The following CIITA variants were observed in gnomAD, a reference collection of about 807,000 sequenced individuals.
The protein encoded by CIITA is MHC class II transactivator.
A neutral mutation model predicts 115.1 loss-of-function variants in CIITA; 72 were observed. That is an observed-to-expected ratio of 0.63 (90% CI 0.52 to 0.76). The LOEUF (loss-of-function observed/expected upper bound fraction) is 0.76. CIITA is among the 30% of genes least tolerant of loss of function. The probability of loss-of-function intolerance (pLI) is 0.00; values close to 1 mark genes in which losing one functional copy is unlikely to be tolerated. For synonymous variants in CIITA, 763 were observed against 635.6 expected, an observed-to-expected ratio of 1.20 and a Z score of -3.02; for missense variants, 1,617 against 1,463.8, an observed-to-expected ratio of 1.10 and a Z score of -1.71.
downstream of CIITA, chr16:10,938,305 GCCT>G (rs2041057369): frequency 6.6e-6 from 1 of 151,668 alleles, no homozygotes; most frequent in South Asian, 2.1e-4. The surrounding 1 kb of genome is among the most constrained non-coding windows in gnomAD (Gnocchi z 4.9). Context: ...CCCTAATACT[GCCT>G]CCTCAAGTAG....
In CIITA at chr16:10,931,054, G is replaced by T. The variant is rs1279285596; in HGVS notation, c.*7199G>T. ...GAGAACATGGAATCAGCTGGATAGA[G>T]TGGTTCATGCTTGTAATCCCAGCAC... On this transcript the variant is annotated 3_prime_UTR_variant, in exon 20 of 20. Transcript: ENST00000324288. 1.3e-5 allele frequency: 2 copies of T among 152,636 alleles called. No homozygotes were observed. The highest frequency in any genetic ancestry group is 4.8e-5 in the African/African-American group (2 of 41,470). The allele number at this position is 152,636 out of a possible 1,614,324, so 9.5% of individuals were successfully genotyped here. A position where few individuals can be genotyped will look rare whatever the true frequency, so the allele number is the denominator to read the frequency against.
At chr16:10,921,649 CTGGGA>C (rs1343064462) in intron 16 of CIITA, among the ~76,000 whole-genome samples, 1 of 152,222 alleles carries the variant, frequency 6.6e-6, no homozygotes, top group African/African-American at 2.4e-5. Context: ...AGAGGCATAG[CTGGGA>C]TTTGAACTTG....
rs2040468743 is a variant in CIITA, at chr16:10,924,892, C to T, written c.*1037C>T. On this transcript the variant is annotated 3_prime_UTR_variant, in exon 20 of 20. Coordinates refer to ENST00000324288, the MANE Select transcript of CIITA (RefSeq NM_000246.4). ...CAGGTCCAGGGTTTGAGTTCATACC[C>T]TGTTACCATTTTGGGGTACCCACTG... 6.6e-6 allele frequency: 1 copy of T among 152,246 alleles called. No individual in the cohort carries two copies. Among genetic ancestry groups the T allele is most frequent in the South Asian group, 2.1e-4 (1 of 4,830 alleles). The allele number at this position is 152,246 out of a possible 1,614,324, so 9.4% of individuals were successfully genotyped here. A position where few individuals can be genotyped will look rare whatever the true frequency, so the allele number is the denominator to read the frequency against.
At position 10,895,665 on chromosome 16, in the gene CIITA, C is replaced by A. The variant is rs750105787; in HGVS notation, c.200-4C>A. Reference sequence around the variant, plus strand: ...TTCTTCATCCAAGGGACTTTTCCTCCCAGAACCCGACACAGACACCATCAA... The same window carrying A: ...TTCTTCATCCAAGGGACTTTTCCTCACAGAACCCGACACAGACACCATCAA... On this transcript the variant is annotated splice_polypyrimidine_tract_variant and splice_region_variant and intron_variant, in intron 2 of 19. Coordinates refer to ENST00000324288, the MANE Select transcript of CIITA (RefSeq NM_000246.4). 1 of 1,614,114 alleles carries A rather than the reference C, an allele frequency of 6.2e-7. No homozygotes were observed. Among genetic ancestry groups the A allele is most frequent in the South Asian group, 1.1e-5 (1 of 91,078 alleles).
upstream of CIITA, among the ~76,000 whole-genome samples, chr16:10,873,212 G>A (rs865838716): frequency 5.9e-5 from 9 of 152,124 alleles, no homozygotes; most frequent in East Asian, 1.9e-4. Context: ...GGGCTCAAGC[G>A]ACATACCTGC....
chr16:10,918,342 C>A, intron 15 of CIITA, 98 bp from the exon 16 acceptor site: 1 of 1,067,110 alleles, frequency 9.4e-7, no homozygotes, highest in Non-Finnish European at 1.5e-6. Context: ...AGTCTGTCGA[C>A]AGCGCCATTC....
rs113265172 is a variant in CIITA, at chr16:10,897,163, GA to G, written c.295+1407del. ...TACCTGACACTGAGTAATTTATAAAGAAAAAAAATATTTCTTACAGTTATGG... is the reference window on the plus strand; with the variant it reads ...TACCTGACACTGAGTAATTTATAAAGAAAAAAATATTTCTTACAGTTATGG... On this transcript the variant is annotated intron_variant, in intron 3 of 19. Coordinates refer to ENST00000324288, the MANE Select transcript of CIITA (RefSeq NM_000246.4). 2.4e-3 allele frequency among the ~76,000 whole-genome samples: 367 copies of G among 152,066 alleles called. 1 individual carries two copies. Among genetic ancestry groups the G allele is most frequent in the African/African-American group, 6.9e-3 (288 of 41,492 alleles).
chr16:10,895,653 G>A lies in CIITA; in HGVS notation c.200-16G>A. On this transcript the variant is annotated splice_polypyrimidine_tract_variant and intron_variant, in intron 2 of 19. Transcript: ENST00000324288. ...CCAGAAATTTCCTTCTTCATCCAAG[G>A]GACTTTTCCTCCCAGAACCCGACAC... The A allele has an allele frequency of 1.2e-6, 2 of 1,613,992 alleles. No individual in the cohort carries two copies. Among genetic ancestry groups the A allele is most frequent in the East Asian group, 2.2e-5 (1 of 44,868 alleles).
chr16:10,912,329 G>C (rs1282521207), intron 13 of CIITA, among the ~76,000 whole-genome samples: 1 of 152,084 alleles, frequency 6.6e-6, no homozygotes, highest in Non-Finnish European at 1.5e-5. Flanking sequence ...GGCCAGGCTG[G>C]TCTTGAACTC....
chr16:10,889,207 C>T (rs573074604), intron 1 of CIITA, among the ~76,000 whole-genome samples: 50 of 152,304 alleles, frequency 3.3e-4, no homozygotes, highest in African/African-American at 1.2e-3. Flanking sequence ...CTCCATCCCG[C>T]TCTGGCAATG....
At chr16:10,869,078 G>T (rs1047925321) in intron 1 of CIITA, among the ~76,000 whole-genome samples, 2 of 152,246 alleles carry the variant, frequency 1.3e-5, no homozygotes, top group East Asian at 3.8e-4. Flanking sequence ...GTTCGGAAAA[G>T]GAAATCATCC....
intron 13 of CIITA, among the ~76,000 whole-genome samples, chr16:10,911,444 T>C (rs562508701): frequency 4.6e-5 from 7 of 150,588 alleles, no homozygotes; most frequent in Admixed American, 1.3e-4. Flanking sequence ...CTTTCCTTCT[T>C]TTCTTTCTTT....
At chr16:10,894,966 C>T (rs1252479336) in intron 1 of CIITA, among the ~76,000 whole-genome samples, 1 of 152,188 alleles carries the variant, frequency 6.6e-6, no homozygotes, top group African/African-American at 2.4e-5. Context: ...CTTTATAAAC[C>T]TTAGCTGTTA....
rs1469483162 is a variant in CIITA at position 10,924,694 on chromosome 16, A to G, written c.*839A>G. On this transcript the variant is annotated 3_prime_UTR_variant, in exon 20 of 20. Transcript: ENST00000324288. ...TGCTTTTGTCTATGGGACTCAATGC[A>G]CTGACATTGTTGGCCAAAGCCAAAG... 2.6e-5 allele frequency: 4 copies of G among 152,252 alleles called. No individual in the cohort carries two copies. The East Asian group carries it at 5.8e-4, about 22-fold the overall frequency. The allele number at this position is 152,252 out of a possible 1,614,324, so 9.4% of individuals were successfully genotyped here. A position where few individuals can be genotyped will look rare whatever the true frequency, so the allele number is the denominator to read the frequency against.
At chr16:10,884,361 G>T (rs532640629) in intron 1 of CIITA, among the ~76,000 whole-genome samples, 2 of 152,330 alleles carry the variant, frequency 1.3e-5, no homozygotes, top group Non-Finnish European at 2.9e-5. Context: ...TCAGCAGGGA[G>T]CAGCTCTTTG....
rs768792105 is a variant in CIITA, at chr16:10,902,051, T to C, written c.495T>C (p.Thr165=). 2 of 1,614,088 alleles carry C rather than the reference T, an allele frequency of 1.2e-6. No individual in the cohort carries two copies. The highest frequency in any genetic ancestry group is 2.2e-5 in the South Asian group (2 of 91,080). Residue 165 remains threonine, a synonymous_variant, in exon 7 of 20, where the codon ACT becomes ACC. Transcript: ENST00000324288. ...ACTTCCTCACAGCTGAGCCCCCCAC[T>C]GTGGTGACTGGCAGTCTCCTAGTGG... ...LKHWKPAEPP[T]VVTGSLLVGP... is the part of the protein sequence containing the mutation.
upstream of CIITA, chr16:10,866,218 G>C (rs2035057930): frequency 2.3e-6 from 1 of 442,690 alleles, no homozygotes; most frequent in Admixed American, 3.0e-5. Context: ...TTCATGTTTT[G>C]GATGCTGCAT....
intron 1 of CIITA, among the ~76,000 whole-genome samples, chr16:10,881,163 C>A (rs1045631941): frequency 6.6e-6 from 1 of 152,006 alleles, no homozygotes; most frequent in Non-Finnish European, 1.5e-5. Context: ...CCTGTAATCT[C>A]AACTACTTGG....
At chr16:10,886,724 T>C (rs1448941888) in intron 1 of CIITA, among the ~76,000 whole-genome samples, 2 of 152,248 alleles carry the variant, frequency 1.3e-5, no homozygotes, top group Non-Finnish European at 1.5e-5. Context: ...TAAGTCACTT[T>C]AGGTAAGTCA....
Sources: allele counts gnomAD v4.1 joint callset (sites outside exome capture counted in the v4.1 genomes callset), GRCh38; gene constraint gnomAD v4.1.1; non-coding constraint Gnocchi (gnomAD v3.1); transcripts MANE v1.5; gene names NCBI Gene and HGNC (gene_info 2026-07-23, HGNC 2026-07-21).